The following HS3ST4 variants were observed in gnomAD, a reference collection of about 807,000 sequenced individuals.
The protein encoded by HS3ST4 is heparan sulfate glucosamine 3-O-sulfotransferase 4.
A neutral mutation model predicts 29.2 loss-of-function variants in HS3ST4; 17 were observed. The ratio of observed to expected loss-of-function variants is 0.58; its 90% confidence interval spans 0.40 to 0.87. The LOEUF (loss-of-function observed/expected upper bound fraction) is 0.87, where lower values mean the gene tolerates loss of function less well. HS3ST4 is among the 40% of genes least tolerant of loss of function. The pLI is 0.00. For missense variants in HS3ST4, 627 were observed against 634.5 expected (o/e 0.99, Z 0.13); for synonymous variants, 314 against 285.7 (o/e 1.10, Z -1.00).
intron 1 of HS3ST4, among the ~76,000 whole-genome samples, chr16:25,800,515 T>G (rs999193413): frequency 5.9e-5 from 9 of 152,158 alleles, no homozygotes; most frequent in Non-Finnish European, 1.3e-4. Context: ...ACATGGCAGT[T>G]GGAATACAGA....
At chr16:25,880,472 A>G (rs1456424820) in intron 1 of HS3ST4, among the ~76,000 whole-genome samples, 1 of 152,212 alleles carries the variant, frequency 6.6e-6, no homozygotes, top group African/African-American at 2.4e-5. Flanking sequence ...ATCTCTTTAC[A>G]GTAGTTCTTG....
intron 1 of HS3ST4, among the ~76,000 whole-genome samples, chr16:25,992,836 G>T (rs1969125966): frequency 6.6e-6 from 1 of 152,224 alleles, no homozygotes; most frequent in Non-Finnish European, 1.5e-5. Context: ...AGCCACACTT[G>T]CTCCAGCACT....
At position 25,758,887 on chromosome 16, in the gene HS3ST4, C is replaced by T. The variant is rs150189880; in HGVS notation, c.734+65736C>T. On this transcript the variant is annotated intron_variant, in intron 1 of 1. Coordinates refer to ENST00000331351, the MANE Select transcript of HS3ST4 (RefSeq NM_006040.3). ...ATGAGAATCACTTGAACACGGGAGG[C>T]GGAGGTTGCAGTGAGCTGAGATCAC... Among the ~76,000 whole-genome samples the T allele has an allele frequency of 1.1e-4, 16 of 151,524 alleles. No homozygotes were observed. In the East Asian group the frequency reaches 2.5e-3, roughly 24 times the overall value.
chr16:25,809,678 T>C (rs1967022713), intron 1 of HS3ST4, among the ~76,000 whole-genome samples: 1 of 152,118 alleles, frequency 6.6e-6, no homozygotes, highest in Non-Finnish European at 1.5e-5. Context: ...TTCAATTTCT[T>C]TTTTGGTTAT....
chr16:26,127,969 A>T (rs541521077), intron 1 of HS3ST4, among the ~76,000 whole-genome samples: 1 of 152,172 alleles, frequency 6.6e-6, no homozygotes, highest in South Asian at 2.1e-4. Context: ...TTATTTGTGC[A>T]TCTTCCAAGC....
chr16:25,777,167 C>A (rs113027651), intron 1 of HS3ST4, among the ~76,000 whole-genome samples: 35 of 152,320 alleles, frequency 2.3e-4, no homozygotes, highest in African/African-American at 7.9e-4. Flanking sequence ...ATTAATCTCT[C>A]CACATAAGTG....
At chr16:25,881,632 A>G (rs943259647) in intron 1 of HS3ST4, among the ~76,000 whole-genome samples, 4 of 152,050 alleles carry the variant, frequency 2.6e-5, no homozygotes, top group African/African-American at 4.8e-5. Context: ...GCAGTCTCTT[A>G]TCATCGTGGG....
chr16:26,015,031 A>C (rs1969350309), intron 1 of HS3ST4, among the ~76,000 whole-genome samples: 1 of 152,232 alleles, frequency 6.6e-6, no homozygotes, highest in African/African-American at 2.4e-5. Context: ...AGGCAGAATT[A>C]ATGAAATTGA....
At chr16:25,857,946 TTC>T (rs1480243876) in intron 1 of HS3ST4, among the ~76,000 whole-genome samples, 2 of 54,818 alleles carry the variant, frequency 3.6e-5, no homozygotes, top group Non-Finnish European at 3.3e-5. Context: ...CTTTCTTTCT[TTC>T]TTTCTTTCTT....
chr16:25,929,810 C>G (rs1453136318), intron 1 of HS3ST4, among the ~76,000 whole-genome samples: 1 of 152,032 alleles, frequency 6.6e-6, no homozygotes, highest in African/African-American at 2.4e-5. Flanking sequence ...TATTTTTAAA[C>G]TTTTATTTTA....
rs572781097 is a variant in HS3ST4 at position 26,132,707 on chromosome 16, G to A, written c.735-2905G>A. Among the ~76,000 whole-genome samples, 24 of 152,222 alleles carry A rather than the reference G, an allele frequency of 1.6e-4. No homozygotes were observed. In the South Asian group the frequency reaches 5.0e-3, roughly 32 times the overall value. ...AGCATTGAGGTCTAAGAAGGCAAAG[G>A]TGAAGAATGGATGAAAAGAAAAGTT... On this transcript the variant is annotated intron_variant, in intron 1 of 1. Transcript: ENST00000331351.
At chr16:25,979,820 G>A (rs1968985823) in intron 1 of HS3ST4, among the ~76,000 whole-genome samples, 1 of 152,130 alleles carries the variant, frequency 6.6e-6, no homozygotes, top group Non-Finnish European at 1.5e-5. Flanking sequence ...ACTGACCTGG[G>A]CACTTCTCCT....
chr16:25,874,118 T>A (rs4787339), intron 1 of HS3ST4, among the ~76,000 whole-genome samples: 96,229 of 151,974 alleles, frequency 0.63, 31,410 homozygotes, highest in East Asian at 0.96. Flanking sequence ...CTTTGAACAC[T>A]AAGGGCATAT....
At chr16:25,913,625 G>C (rs978411428) in intron 1 of HS3ST4, among the ~76,000 whole-genome samples, 2 of 152,200 alleles carry the variant, frequency 1.3e-5, no homozygotes, top group Non-Finnish European at 2.9e-5. Flanking sequence ...ACTCTTGAAA[G>C]GTGAATAGTG....
intron 1 of HS3ST4, among the ~76,000 whole-genome samples, chr16:25,915,568 C>G (rs549507741): frequency 1.3e-5 from 2 of 152,152 alleles, no homozygotes. Flanking sequence ...ATACTGAACT[C>G]CTAGTAATTT....
At chr16:25,960,190 A>C (rs1056040666) in intron 1 of HS3ST4, among the ~76,000 whole-genome samples, 1 of 152,146 alleles carries the variant, frequency 6.6e-6, no homozygotes, top group Non-Finnish European at 1.5e-5. Flanking sequence ...CTCTCTGGCC[A>C]TGTGACATAC....
At chr16:25,923,774 G>T (rs1021887597) in intron 1 of HS3ST4, among the ~76,000 whole-genome samples, 4 of 152,152 alleles carry the variant, frequency 2.6e-5, no homozygotes, top group African/African-American at 9.7e-5. Context: ...TGATTGATTT[G>T]TTTTTTCCAG....
chr16:25,832,959 G>C (rs952726920), intron 1 of HS3ST4, among the ~76,000 whole-genome samples: 1 of 152,282 alleles, frequency 6.6e-6, no homozygotes, highest in Middle Eastern at 3.4e-3. Context: ...GCCCCTCTTT[G>C]GCTAAGTTCG....
chr16:26,032,634 C>G, intron 1 of HS3ST4: 1 of 1,403,926 alleles, frequency 7.1e-7, no homozygotes, highest in South Asian at 1.1e-5. Context: ...CCAGCATCAG[C>G]TTTTCCCTTT....
Sources: allele counts gnomAD v4.1 joint callset (sites outside exome capture counted in the v4.1 genomes callset), GRCh38; gene constraint gnomAD v4.1.1; transcripts MANE v1.5; gene names NCBI Gene and HGNC (gene_info 2026-07-23, HGNC 2026-07-21).